LYZL4: variants seen among roughly 807,000 people sequenced by gnomAD.
LYZL4 encodes the protein lysozyme-like protein 4.
A neutral mutation model predicts 17.6 loss-of-function variants in LYZL4; 13 were observed. The ratio of observed to expected loss-of-function variants is 0.74; its 90% CI spans 0.48 to 1.18. The LOEUF (loss-of-function observed/expected upper bound fraction) is 1.18. Among genes scored for constraint, LYZL4 ranks in the 50% most tolerant of loss-of-function variants. The pLI, the probability that LYZL4 is intolerant of heterozygous loss-of-function variation, is 0.00. For missense variants in LYZL4, 174 were observed against 188.2 expected, an observed-to-expected ratio of 0.92 and a Z score of 0.44; for synonymous variants, 64 against 67.7, an observed-to-expected ratio of 0.95 and a Z score of 0.27.
the LYZL4 span, among the ~76,000 whole-genome samples, chr3:42,368,486 CAT>C: frequency 2.4e-4 from 37 of 152,264 alleles, no homozygotes; most frequent in South Asian, 7.3e-3. Context: ...GAACTCATGA[CAT>C]ATATGGAATT....
intron 1 of LYZL4, among the ~76,000 whole-genome samples, chr3:42,407,772 A>C (rs1004400068): frequency 1.3e-5 from 2 of 151,428 alleles, no homozygotes; most frequent in Non-Finnish European, 2.9e-5. Flanking sequence ...AATTATGTCC[A>C]TTACTGCCTC....
At chr3:42,406,698 C>T (rs1698760223) in intron 3 of LYZL4, 148 bp downstream of exon 3, 3 of 938,702 alleles carry the variant, frequency 3.2e-6, no homozygotes, top group South Asian at 1.6e-5. Flanking sequence ...GTGCAATGCT[C>T]AGCCTCCCAG....
At chr3:42,401,005 C>T (rs949450222) in intron 4 of LYZL4, among the ~76,000 whole-genome samples, 1 of 152,062 alleles carries the variant, frequency 6.6e-6, no homozygotes, top group African/African-American at 2.4e-5. Context: ...AATCTACCCC[C>T]AAGTAGACGT....
At chr3:42,391,010 C>T in the LYZL4 span, among the ~76,000 whole-genome samples, 7 of 152,206 alleles carry the variant, frequency 4.6e-5, no homozygotes, top group South Asian at 2.1e-4. Flanking sequence ...ACCCCAACCA[C>T]AACCAGGTTC....
intron 4 of LYZL4, among the ~76,000 whole-genome samples, chr3:42,403,213 C>T (rs370284100): frequency 1.3e-5 from 2 of 149,906 alleles, no homozygotes; most frequent in South Asian, 2.1e-4. Context: ...GGGAAACACC[C>T]GAATGGGATA....
the LYZL4 span, among the ~76,000 whole-genome samples, chr3:42,389,731 T>A: frequency 6.6e-6 from 1 of 152,216 alleles, no homozygotes; most frequent in Non-Finnish European, 1.5e-5. Context: ...TGCAGCAGCA[T>A]GGCATCATCC....
At chr3:42,384,587 A>G in the LYZL4 span, among the ~76,000 whole-genome samples, 10 of 152,352 alleles carry the variant, frequency 6.6e-5, no homozygotes, top group African/African-American at 2.4e-4. Flanking sequence ...TTGGGGTTGA[A>G]TGAATGATAA....
the LYZL4 span, among the ~76,000 whole-genome samples, chr3:42,387,718 C>T: frequency 6.6e-6 from 1 of 152,190 alleles, no homozygotes; most frequent in African/African-American, 2.4e-5. Context: ...ACTTGCCTCA[C>T]TTTCCAAGCT....
rs147557200 is a variant in LYZL4, at chr3:42,400,301, C to A, written c.372-2967G>T. Among the ~76,000 whole-genome samples, 318 of 152,258 alleles carry A rather than the reference C, an allele frequency of 2.1e-3. 1 individual carries two copies. The highest frequency in any genetic ancestry group is 3.9e-3 in the Non-Finnish European group (263 of 68,026). Reference sequence around the variant, plus strand: ...TGTCCTTTGGTTGCCTTCTACATAACCACAGCACAGGTCTTCTGTGTCACC... The same window carrying A: ...TGTCCTTTGGTTGCCTTCTACATAAACACAGCACAGGTCTTCTGTGTCACC... On this transcript the variant is annotated intron_variant, in intron 4 of 4. Transcript: ENST00000287748.
At chr3:42,373,625 A>G in the LYZL4 span, among the ~76,000 whole-genome samples, 1 of 152,180 alleles carries the variant, frequency 6.6e-6, no homozygotes, top group Non-Finnish European at 1.5e-5. Flanking sequence ...CAATGACTAC[A>G]GATTGGGCTA....
the LYZL4 span, among the ~76,000 whole-genome samples, chr3:42,383,475 T>C: frequency 7.1e-4 from 108 of 151,834 alleles, no homozygotes; most frequent in Middle Eastern, 3.5e-3. Context: ...TATTTTACTC[T>C]TTATATTATG....
chr3:42,379,847 T>A, the LYZL4 span, among the ~76,000 whole-genome samples: 1 of 152,086 alleles, frequency 6.6e-6, no homozygotes, highest in African/African-American at 2.4e-5. Flanking sequence ...CTTTGGGAGG[T>A]AATTAGGATT....
chr3:42,371,861 G>A, the LYZL4 span, among the ~76,000 whole-genome samples: 2 of 152,142 alleles, frequency 1.3e-5, no homozygotes, highest in Non-Finnish European at 2.9e-5. Flanking sequence ...AGTTTCCATG[G>A]CAAAACAGAC....
At chr3:42,382,079 A>G in the LYZL4 span, among the ~76,000 whole-genome samples, 299 of 152,372 alleles carry the variant, frequency 2.0e-3, 3 homozygotes, top group African/African-American at 6.7e-3. Flanking sequence ...ACACAGATCC[A>G]ATGTCATAGG....
At chr3:42,398,061 A>ACAG (rs1373478166) in intron 4 of LYZL4, among the ~76,000 whole-genome samples, 8 of 152,294 alleles carry the variant, frequency 5.3e-5, no homozygotes, top group Non-Finnish European at 1.0e-4. Flanking sequence ...AGGAGGTCCC[A>ACAG]CAGTGCAAGA....
At chr3:42,365,665 G>T in the LYZL4 span, among the ~76,000 whole-genome samples, 3 of 152,140 alleles carry the variant, frequency 2.0e-5, no homozygotes, top group Non-Finnish European at 4.4e-5. Context: ...GGGTGATTTA[G>T]TCCACCCACC....
At chr3:42,399,773 GT>G (rs2125600218) in intron 4 of LYZL4, among the ~76,000 whole-genome samples, 1 of 152,256 alleles carries the variant, frequency 6.6e-6, no homozygotes, top group South Asian at 2.1e-4. Flanking sequence ...CTTCAGGTTA[GT>G]GGCCCCAAAT....
At chr3:42,376,404 C>A in the LYZL4 span, among the ~76,000 whole-genome samples, 1 of 152,154 alleles carries the variant, frequency 6.6e-6, no homozygotes, top group Non-Finnish European at 1.5e-5. Flanking sequence ...GGGTAGGAAG[C>A]CACTCTGGGA....
chr3:42,402,075 T>A (rs1698663544), intron 4 of LYZL4, among the ~76,000 whole-genome samples: 1 of 136,258 alleles, frequency 7.3e-6, no homozygotes, highest in Non-Finnish European at 1.6e-5. Flanking sequence ...GGGAAAGCAA[T>A]AATAAATTAG....
Sources: allele counts gnomAD v4.1 joint callset (sites outside exome capture counted in the v4.1 genomes callset), GRCh38; gene constraint gnomAD v4.1.1; transcripts MANE v1.5; gene names NCBI Gene and HGNC (gene_info 2026-07-23, HGNC 2026-07-21).